DOCK10: variants seen among roughly 807,000 people sequenced by gnomAD.
The protein encoded by DOCK10 is dedicator of cytokinesis 10, also known as dedicator of cytokinesis protein 10.
Under a neutral mutation model 280.1 loss-of-function variants are expected in DOCK10, and 145 were observed. That is an observed-to-expected ratio of 0.52 (90% confidence interval 0.45 to 0.59). DOCK10 has a LOEUF of 0.59. Among genes scored for constraint, DOCK10 ranks in the 20% least tolerant of loss-of-function variants. DOCK10 has a pLI of 0.00. For missense variants in DOCK10, 2,368 were observed against 2,651.7 expected, an observed-to-expected ratio of 0.89 and a Z score of 2.35; for synonymous variants, 915 against 942.2, an observed-to-expected ratio of 0.97 and a Z score of 0.53.
intron 1 of DOCK10, among the ~76,000 whole-genome samples, chr2:224,976,398 AAAT>A (rs1374551057): frequency 6.6e-6 from 1 of 152,186 alleles, no homozygotes; most frequent in Non-Finnish European, 1.5e-5. Context: ...ACTTAAAGTA[AAAT>A]AATAATAATT....
chr2:224,810,938 T>C (rs1409683992), intron 31 of DOCK10, among the ~76,000 whole-genome samples: 4 of 152,116 alleles, frequency 2.6e-5, no homozygotes, highest in African/African-American at 9.7e-5. Context: ...AGTGCCGCAA[T>C]AAACATACGT....
chr2:224,848,413 C>T (rs995346868), intron 19 of DOCK10, among the ~76,000 whole-genome samples: 5 of 152,104 alleles, frequency 3.3e-5, no homozygotes, highest in South Asian at 2.1e-4. Context: ...TTGTTTGTAA[C>T]GTAAGCTAAC....
In DOCK10 at chr2:225,009,384, C is replaced by T. The variant is rs571980233; in HGVS notation, c.123+32868G>A. The stretch of plus-strand genomic sequence containing the variant: ...CTCTCTGAACATTAAAATACTCAGC[C>T]GAATTTCTAAATTAGTAAGACTTCA... On this transcript the variant is annotated intron_variant, in intron 1 of 55. Transcript: ENST00000258390. 4.0e-3 allele frequency among the ~76,000 whole-genome samples: 611 copies of T among 152,104 alleles called. 6 individuals are homozygous for T. Among genetic ancestry groups the T allele is most frequent in the African/African-American group, 0.014 (571 of 41,498 alleles).
chr2:224,892,070 A>G (rs1699698525), intron 4 of DOCK10, among the ~76,000 whole-genome samples: 3 of 152,100 alleles, frequency 2.0e-5, no homozygotes. Context: ...ATTAAGCAGA[A>G]ATAAGATAAT....
chr2:224,874,217 C>T (rs780863632), intron 10 of DOCK10, 49 bp downstream of exon 10: 1 of 1,593,822 alleles, frequency 6.3e-7, no homozygotes, highest in Non-Finnish European at 8.6e-7. Flanking sequence ...TTATAATCCC[C>T]AACTGTATGG....
intron 3 of DOCK10, among the ~76,000 whole-genome samples, chr2:224,908,023 A>G (rs1468356347): frequency 6.6e-6 from 1 of 152,172 alleles, no homozygotes; most frequent in Non-Finnish European, 1.5e-5. Flanking sequence ...GATGGATATT[A>G]GCTAATTAAA....
At chr2:224,866,097 C>A (rs1379635048) in intron 11 of DOCK10, among the ~76,000 whole-genome samples, 5 of 152,178 alleles carry the variant, frequency 3.3e-5, no homozygotes, top group African/African-American at 1.2e-4. Context: ...TCACATGCCC[C>A]TTTCGATGCT....
chr2:224,935,411 A>T (rs535470199), intron 1 of DOCK10, among the ~76,000 whole-genome samples: 2 of 152,330 alleles, frequency 1.3e-5, no homozygotes, highest in South Asian at 4.1e-4. Context: ...CATAAGCTAG[A>T]CTACCCAGCC....
At chr2:224,979,200 G>A (rs1377546064) in intron 1 of DOCK10, among the ~76,000 whole-genome samples, 1 of 152,176 alleles carries the variant, frequency 6.6e-6, no homozygotes, top group Non-Finnish European at 1.5e-5. Context: ...ACACTCACTA[G>A]TTACCAGTCA....
Position 224,808,003 on chromosome 2 carries a change from G to A in DOCK10, c.3493C>T (p.Leu1165=), listed in dbSNP as rs1693514089. 1 of 1,612,908 alleles carries A rather than the reference G, an allele frequency of 6.2e-7. No individual in the cohort carries two copies. The highest frequency in any genetic ancestry group is 1.1e-5 in the South Asian group (1 of 90,924). ...TGTCTGACATCTTGGTCTTCCTGCA[G>A]GGCAAAGCCAACTTCTCGGAGCAGA... ...GILLREVGFA[L]QEDQDVRHLA... Residue 1165 remains leucine (L), a synonymous_variant, in exon 32 of 56, where the codon CTG becomes TTG. Transcript: ENST00000258390.
chr2:224,973,282 C>T (rs1011232938), intron 1 of DOCK10, among the ~76,000 whole-genome samples: 5 of 152,176 alleles, frequency 3.3e-5, no homozygotes, highest in Non-Finnish European at 7.3e-5. Context: ...TCCCCAGAAC[C>T]TGTGCCTATG....
At chr2:224,885,970 C>G in intron 6 of DOCK10, 93 bp downstream of exon 6, 1 of 1,550,190 alleles carries the variant, frequency 6.5e-7, no homozygotes, top group East Asian at 2.3e-5. Context: ...GAAACATAAA[C>G]TCAATGCAAA....
At chr2:224,961,825 A>G (rs2126173004) in intron 1 of DOCK10, among the ~76,000 whole-genome samples, 1 of 152,248 alleles carries the variant, frequency 6.6e-6, no homozygotes, top group East Asian at 1.9e-4. Flanking sequence ...ATTTTCTTAC[A>G]GGGTACATCT....
intron 1 of DOCK10, among the ~76,000 whole-genome samples, chr2:224,972,854 G>A (rs1222901849): frequency 6.6e-6 from 1 of 152,168 alleles, no homozygotes; most frequent in Non-Finnish European, 1.5e-5. Context: ...GAAACTGAAA[G>A]TTAAATTTCG....
At chr2:225,035,566 A>ACATAT (rs1690220353) in intron 1 of DOCK10, among the ~76,000 whole-genome samples, 2 of 54,622 alleles carry the variant, frequency 3.7e-5, no homozygotes, top group African/African-American at 4.8e-5. Flanking sequence ...ATATATATAT[A>ACATAT]TATATATATA....
intron 1 of DOCK10, among the ~76,000 whole-genome samples, chr2:225,025,122 C>A (rs570174572): frequency 4.6e-4 from 70 of 152,222 alleles, no homozygotes; most frequent in Non-Finnish European, 8.4e-4. Flanking sequence ...TAAGCAGGTG[C>A]CCAGTGCAAT....
rs199522571 is a variant in DOCK10 at position 224,876,188 on chromosome 2, T to C, written c.781A>G (p.Lys261Glu). 7 of 1,613,030 alleles carry C rather than the reference T, an allele frequency of 4.3e-6. No homozygotes were observed. The highest frequency in any genetic ancestry group is 5.1e-6 in the Non-Finnish European group (6 of 1,179,446). Residue 261 changes from lysine to glutamate, a missense_variant, in exon 8 of 56, where the codon AAA becomes GAA. Lys to Glu is a moderately conservative substitution (Grantham distance 56). This residue lies in a region of DOCK10 where 1,209 missense variants were observed against 1,250.9 expected (regional missense o/e 0.97). Transcript: ENST00000258390. Reference protein sequence around the residue: ...NRLRKYAFELKMNDLTYFVLA... With the variant: ...NRLRKYAFELEMNDLTYFVLA... ...ACAAAATAGGTCAGATCATTCATTT[T>C]CAATTCAAAGGCATATTTTCTTAGT... is the stretch of plus-strand genomic sequence containing the variant.
intron 1 of DOCK10, among the ~76,000 whole-genome samples, chr2:224,939,928 T>C (rs1702924212): frequency 6.6e-6 from 1 of 152,234 alleles, no homozygotes; most frequent in South Asian, 2.1e-4. Flanking sequence ...TGTTGTCTTT[T>C]GGCCTATGTG....
At chr2:224,818,230 C>T (rs974583670) in intron 29 of DOCK10, among the ~76,000 whole-genome samples, 9 of 152,110 alleles carry the variant, frequency 5.9e-5, no homozygotes, top group African/African-American at 9.7e-5. Context: ...ACAATGAGAA[C>T]AGAGCTATGT....
Sources: gnomAD v4.1 joint callset for allele counts (sites outside exome capture counted in the v4.1 genomes callset) on GRCh38, gnomAD v4.1.1 for gene constraint, gnomAD v4.1.1 regional missense constraint, MANE v1.5 for transcripts, NCBI Gene and HGNC (gene_info 2026-07-23, HGNC 2026-07-21) for gene names.